The following PLEKHH2 variants were observed in gnomAD, a reference collection of about 807,000 sequenced individuals.
The protein encoded by PLEKHH2 is pleckstrin homology domain-containing family H member 2.
PLEKHH2 carries 129 observed loss-of-function variants against 187.9 expected under a neutral mutation model. The observed-to-expected ratio is 0.69, with a 90% CI of 0.59 to 0.79. PLEKHH2 has a LOEUF of 0.79. Ranked by LOEUF, PLEKHH2 falls within the 30% of genes least tolerant of loss-of-function variation. The pLI, the probability that PLEKHH2 is intolerant of heterozygous loss-of-function variation, is 0.00. For synonymous variants in PLEKHH2, 686 were observed against 605.6 expected (o/e 1.13, Z -1.95); for missense variants, 2,076 against 1,751.2 (o/e 1.19, Z -3.31).
At chr2:43,640,950 ATT>A (rs58200065) in intron 1 of PLEKHH2, among the ~76,000 whole-genome samples, 2,228 of 115,706 alleles carry the variant, frequency 0.019, 74 homozygotes, top group African/African-American at 0.072. Flanking sequence ...TGCCTGGCTA[ATT>A]TTTTTTTTTT....
At position 43,644,810 on chromosome 2, in the gene PLEKHH2, C is replaced by G; in HGVS notation, c.123+14C>G. The G allele has an allele frequency of 6.3e-7, 1 of 1,592,796 alleles. No homozygotes were observed. Among genetic ancestry groups the G allele is most frequent in the Non-Finnish European group, 8.5e-7 (1 of 1,170,286 alleles). On this transcript the variant is annotated intron_variant, in intron 2 of 29. Coordinates refer to ENST00000282406, the MANE Select transcript of PLEKHH2 (RefSeq NM_172069.4). Reference sequence around the variant, plus strand: ...TTAGCAGAGAAGGTAAGCTTTCTCCCTAAGCTTTGTTATTAAATGTCAGCT... The same window carrying G: ...TTAGCAGAGAAGGTAAGCTTTCTCCGTAAGCTTTGTTATTAAATGTCAGCT...
At chr2:43,694,187 G>T (rs1558503742) in intron 4 of PLEKHH2, among the ~76,000 whole-genome samples, 1 of 152,204 alleles carries the variant, frequency 6.6e-6, no homozygotes, top group Non-Finnish European at 1.5e-5. Context: ...TGACTTCAGT[G>T]TATGATCTTT....
chr2:43,646,865 T>A (rs1413513961), intron 2 of PLEKHH2, among the ~76,000 whole-genome samples: 1 of 151,638 alleles, frequency 6.6e-6, no homozygotes, highest in African/African-American at 2.4e-5. Flanking sequence ...CATAAATTCT[T>A]TGGCAGATCT....
In PLEKHH2 at chr2:43,726,410, C is replaced by G. The variant is rs751873704; in HGVS notation, c.2680C>G (p.Gln894Glu). The G allele has an allele frequency of 1.7e-5, 27 of 1,611,732 alleles. No homozygotes were observed. The highest frequency in any genetic ancestry group is 2.1e-5 in the Non-Finnish European group (25 of 1,178,054). Residue 894 changes from glutamine to glutamate, a missense_variant, in exon 17 of 30, where the codon CAA (glutamine) becomes GAA (glutamate). By Grantham distance (29) the Gln-to-Glu change is conservative. Transcript: ENST00000282406. Reference protein sequence around the residue: ...HYTIVIHPKDQGPTYLLIGSK... With the variant: ...HYTIVIHPKDEGPTYLLIGSK... ...TACTATCGTTATCCATCCCAAAGAC[C>G]AAGGTCCAACTTACCTCCTAATTGG...
At chr2:43,643,755 G>A (rs1384239037) in intron 1 of PLEKHH2, among the ~76,000 whole-genome samples, 1 of 152,002 alleles carries the variant, frequency 6.6e-6, no homozygotes, top group Non-Finnish European at 1.5e-5. Flanking sequence ...TACATTATTA[G>A]GCTGCTTATT....
intron 2 of PLEKHH2, among the ~76,000 whole-genome samples, chr2:43,650,928 A>G (rs1666438238): frequency 6.6e-6 from 1 of 151,934 alleles, no homozygotes; most frequent in African/African-American, 2.4e-5. Flanking sequence ...TACAGGCATG[A>G]GCCACCGCGC....
chr2:43,678,412 T>C (rs58072175), intron 2 of PLEKHH2, among the ~76,000 whole-genome samples: 1,638 of 152,258 alleles, frequency 0.011, 29 homozygotes, highest in African/African-American at 0.037. Flanking sequence ...CACTCCAGCC[T>C]GGGCACCATT....
At chr2:43,735,097 C>T (rs1222935863) in intron 19 of PLEKHH2, among the ~76,000 whole-genome samples, 1 of 151,910 alleles carries the variant, frequency 6.6e-6, no homozygotes, top group Admixed American at 6.6e-5. Flanking sequence ...GGCTGAGGCA[C>T]AAGAATCGCT....
Position 43,757,232 on chromosome 2 carries a change from G to A in PLEKHH2, c.3909G>A (p.Arg1303=). 6.3e-7 allele frequency: 1 copy of A among 1,594,432 alleles called. No homozygotes were observed. Among genetic ancestry groups the A allele is most frequent in the Non-Finnish European group, 8.5e-7 (1 of 1,172,166 alleles). ...KQVIEKFYPK[R]YRDGCSEEQL... is the part of the protein sequence containing the mutation. The stretch of plus-strand genomic sequence containing the variant: ...TCATAGAGAAATTTTATCCTAAAAG[G>A]TATAGAGATGGCTGTTCTGAAGAGC... The change falls in exon 26 of 30, where the codon AGG becomes AGA. Residue 1303 remains arginine, a synonymous_variant. Coordinates refer to ENST00000282406, the MANE Select transcript of PLEKHH2 (RefSeq NM_172069.4).
intron 21 of PLEKHH2, among the ~76,000 whole-genome samples, chr2:43,741,861 T>C (rs554428952): frequency 1.2e-4 from 18 of 152,342 alleles, no homozygotes; most frequent in African/African-American, 3.4e-4. Flanking sequence ...AAAATTTATG[T>C]ATAACAAACA....
intron 3 of PLEKHH2, among the ~76,000 whole-genome samples, chr2:43,691,840 G>A (rs190507582): frequency 5.9e-5 from 9 of 152,268 alleles, no homozygotes; most frequent in Middle Eastern, 6.8e-3. Context: ...TAATTTCTAT[G>A]CAGGCAGAGA....
chr2:43,752,485 C>G (rs949208010), intron 24 of PLEKHH2, among the ~76,000 whole-genome samples: 1 of 152,090 alleles, frequency 6.6e-6, no homozygotes, highest in Non-Finnish European at 1.5e-5. Context: ...CCCTTCCCTG[C>G]TATTTGAGAG....
chr2:43,677,384 C>G (rs532723600), intron 2 of PLEKHH2, among the ~76,000 whole-genome samples: 11 of 152,172 alleles, frequency 7.2e-5, no homozygotes, highest in South Asian at 4.2e-4. Flanking sequence ...CTTGAGATTA[C>G]GGAGTGGTGA....
Position 43,710,316 on chromosome 2 carries a change from T to C in PLEKHH2, c.2200T>C (p.Tyr734His). 6.2e-7 allele frequency: 1 copy of C among 1,613,634 alleles called. No individual in the cohort carries two copies. Among genetic ancestry groups the C allele is most frequent in the Non-Finnish European group, 8.5e-7 (1 of 1,179,550 alleles). Residue 734 changes from tyrosine (Y) to histidine (H), a missense_variant, in exon 13 of 30, where the codon TAC (tyrosine) becomes CAC (histidine). By Grantham distance (83) the Tyr-to-His change is moderately conservative. Transcript: ENST00000282406. ...TGTTCTTAAAGGTGGTGAATTACTT[T>C]ACTACAAATCTCCGGTGAGTGGAAA... ...WFVLKGGELL[Y>H]YKSPSDVIRK...
intron 19 of PLEKHH2, among the ~76,000 whole-genome samples, chr2:43,737,520 C>G (rs1382411892): frequency 6.6e-6 from 1 of 152,138 alleles, no homozygotes; most frequent in Non-Finnish European, 1.5e-5. Context: ...GTGGTTCTGA[C>G]TCATAGTCTC....
At chr2:43,754,165 T>TAC (rs373399236) in intron 25 of PLEKHH2, among the ~76,000 whole-genome samples, 20,373 of 117,912 alleles carry the variant, frequency 0.17, 1,754 homozygotes, top group Non-Finnish European at 0.22. Context: ...TTCAATCTTC[T>TAC]ACACACACAC....
rs2104477776 is a variant in PLEKHH2 at position 43,697,434 on chromosome 2, G to C, written c.688+78G>C. The C allele has an allele frequency of 4.2e-6, 5 of 1,191,472 alleles. No homozygotes were observed. The South Asian group carries it at 9.5e-5, about 23-fold the overall frequency. The allele number at this position is 1,191,472 out of a possible 1,614,324, so 73.8% of individuals were successfully genotyped here. A position where few individuals can be genotyped will look rare whatever the true frequency, so the allele number is the denominator to read the frequency against. ...ATTTGCTAAGATTAATCCAAATATA[G>C]CTTAATTTTCCTTATTTTTTTCTGA... On this transcript the variant is annotated intron_variant, in intron 7 of 29. Transcript: ENST00000282406.
intron 2 of PLEKHH2, among the ~76,000 whole-genome samples, chr2:43,654,527 C>G (rs1191826317): frequency 7.1e-6 from 1 of 140,856 alleles, no homozygotes; most frequent in African/African-American, 2.6e-5. Flanking sequence ...AATTTCTGTT[C>G]TTTAAGTGTA....
chr2:43,710,195 C>T, intron 12 of PLEKHH2, 25 bp from the exon 13 acceptor site: 1 of 1,611,460 alleles, frequency 6.2e-7, no homozygotes, highest in Non-Finnish European at 8.5e-7. Context: ...ACTGAAAATG[C>T]TTTTGTCTAT....
Sources: allele counts gnomAD v4.1 joint callset (sites outside exome capture counted in the v4.1 genomes callset), GRCh38; gene constraint gnomAD v4.1.1; transcripts MANE v1.5; gene names NCBI Gene and HGNC (gene_info 2026-07-23, HGNC 2026-07-21).